TRIM37: variants seen among roughly 807,000 people sequenced by gnomAD.
The protein encoded by TRIM37 is E3 ubiquitin-protein ligase TRIM37.
TRIM37 carries 80 observed loss-of-function variants against 129.8 expected under a neutral mutation model. The observed-to-expected ratio is 0.62, with a 90% CI of 0.51 to 0.74. The LOEUF (loss-of-function observed/expected upper bound fraction) is 0.74, where lower values mean the gene tolerates loss of function less well. Ranked by LOEUF, TRIM37 falls within the 30% of genes least tolerant of loss-of-function variation. The pLI is 0.00. For missense variants in TRIM37, 1,054 were observed against 1,176.5 expected, an observed-to-expected ratio of 0.90 and a Z score of 1.52; for synonymous variants, 389 against 387.1, an observed-to-expected ratio of 1.00 and a Z score of -0.06.
chr17:59,021,117 C>T (rs894238204), intron 19 of TRIM37, among the ~76,000 whole-genome samples: 1 of 152,098 alleles, frequency 6.6e-6, no homozygotes, highest in African/African-American at 2.4e-5. Flanking sequence ...TTAGGTTGGG[C>T]GTGGTAGCTC....
At position 59,028,568 on chromosome 17, in the gene TRIM37, T is replaced by G; in HGVS notation, c.2104A>C (p.Ser702Arg). The change falls in exon 19 of 24, where the codon AGC (serine) becomes CGC (arginine). Residue 702 changes from serine (S) to arginine (R), a missense_variant. Physicochemically the swap from Ser to Arg is moderately radical, Grantham distance 110. Transcript: ENST00000262294. ...VKNTLSEIKS[S>R]SAASGDMQTS... ...TGCATGTCTCCAGAAGCAGCACTGC[T>G]GCTTTTTATTTCTGAAAGTGTATTC... 1.2e-6 allele frequency: 2 copies of G among 1,614,258 alleles called. No individual in the cohort carries two copies. The highest frequency in any genetic ancestry group is 1.7e-6 in the Non-Finnish European group (2 of 1,180,046).
At chr17:59,079,615 A>T in intron 7 of TRIM37, 139 bp downstream of exon 7, 1 of 1,059,044 alleles carries the variant, frequency 9.4e-7, no homozygotes, top group South Asian at 1.4e-5. Flanking sequence ...TCTAACATTT[A>T]TCTGTCTAAA....
chr17:59,027,821 T>C (rs1441821115), intron 19 of TRIM37, among the ~76,000 whole-genome samples: 1 of 152,234 alleles, frequency 6.6e-6, no homozygotes, highest in Admixed American at 6.5e-5. Flanking sequence ...TGACTTCGTC[T>C]CCTGCTAGTC....
At chr17:59,075,582 A>AC (rs1568178884) in intron 8 of TRIM37, 65 bp downstream of exon 8, 6 of 1,071,816 alleles carry the variant, frequency 5.6e-6, no homozygotes, top group Admixed American at 2.4e-5. Context: ...AAAAAAAAAA[A>AC]AACAACTACA....
downstream of TRIM37, chr17:58,980,896 G>A (rs1203871842): frequency 6.2e-7 from 1 of 1,614,226 alleles, no homozygotes; most frequent in South Asian, 1.1e-5. This position sits in a 1 kb window ranked among gnomAD's most constrained non-coding sequence, Gnocchi z 4.7. Context: ...CTGGAAGTGG[G>A]AAGAGAAATA....
At chr17:59,102,099 A>G (rs1285708823) in intron 2 of TRIM37, among the ~76,000 whole-genome samples, 3 of 152,186 alleles carry the variant, frequency 2.0e-5, no homozygotes, top group Non-Finnish European at 4.4e-5. Flanking sequence ...GAAGGACAAG[A>G]CATCCAAAAG....
intron 17 of TRIM37, among the ~76,000 whole-genome samples, chr17:59,035,519 C>A (rs972062486): frequency 2.0e-5 from 3 of 151,468 alleles, no homozygotes; most frequent in African/African-American, 7.3e-5. Flanking sequence ...TTTCAGAGGC[C>A]GAGGCAGGTG....
At chr17:59,077,809 CAAAAAAAAAA>C (rs36007655) in intron 7 of TRIM37, among the ~76,000 whole-genome samples, 1 of 71,346 alleles carries the variant, frequency 1.4e-5, no homozygotes, top group East Asian at 4.2e-4. Flanking sequence ...GACTCCATCT[CAAAAAAAAAA>C]AAAAAAAAAA....
At chr17:59,040,079 A>AT (rs1177626027) in intron 17 of TRIM37, among the ~76,000 whole-genome samples, 1 of 151,344 alleles carries the variant, frequency 6.6e-6, no homozygotes, top group Non-Finnish European at 1.5e-5. Context: ...ATTTTTTTGT[A>AT]TTTTTTTGTA....
chr17:58,982,774 G>A (rs1297264603), exon 25 of TRIM37: 1 of 644,120 alleles, frequency 1.6e-6, no homozygotes, highest in Non-Finnish European at 2.6e-6. Context: ...GGTTGAAAAG[G>A]AGTCAACATG....
At chr17:58,969,448 G>C in the TRIM37 span, 1 of 1,255,782 alleles carries the variant, frequency 8.0e-7, no homozygotes. Context: ...CAGTGGAGGA[G>C]AAAGGATGGG....
chr17:59,033,811 A>G (rs2145677277), intron 17 of TRIM37, among the ~76,000 whole-genome samples: 1 of 151,850 alleles, frequency 6.6e-6, no homozygotes, highest in East Asian at 2.0e-4. Flanking sequence ...TCCTAGATAC[A>G]CTGAACAAGA....
intron 24 of TRIM37, chr17:58,984,985 T>C (rs1246955806): frequency 1.3e-5 from 2 of 152,674 alleles, no homozygotes; most frequent in Non-Finnish European, 2.9e-5. Flanking sequence ...GAATTCTCTA[T>C]GGAGTGAAGC....
At chr17:59,082,766 T>C (rs1004205304) in intron 5 of TRIM37, among the ~76,000 whole-genome samples, 1 of 152,222 alleles carries the variant, frequency 6.6e-6, no homozygotes, top group Admixed American at 6.5e-5. Context: ...AGCCAAAGTA[T>C]CCCATTATTG....
At chr17:59,042,205 T>A (rs1960749214) in intron 16 of TRIM37, among the ~76,000 whole-genome samples, 1 of 150,450 alleles carries the variant, frequency 6.6e-6, no homozygotes, top group Non-Finnish European at 1.5e-5. Flanking sequence ...TGAAACCCTG[T>A]CTCTACTAAA....
chr17:59,091,293 C>A lies in TRIM37; in HGVS notation c.164+7G>T. ...AAATTCACAAATAATCGTAAGGAAACACTTACCGGCAATGAGGACATTGAG... is the reference window on the plus strand; with the variant it reads ...AAATTCACAAATAATCGTAAGGAAAAACTTACCGGCAATGAGGACATTGAG... On this transcript the variant is annotated splice_region_variant and intron_variant, in intron 3 of 23. Transcript: ENST00000262294. 6.3e-7 allele frequency: 1 copy of A among 1,584,514 alleles called. No individual in the cohort carries two copies. Among genetic ancestry groups the A allele is most frequent in the African/African-American group, 1.4e-5 (1 of 73,780 alleles).
intron 21 of TRIM37, among the ~76,000 whole-genome samples, chr17:59,013,126 A>C (rs1357292738): frequency 2.6e-5 from 4 of 152,064 alleles, no homozygotes; most frequent in Non-Finnish European, 5.9e-5. Context: ...TCTAATAGGG[A>C]AAGACTTTTG....
Position 58,999,467 on chromosome 17 carries a change from TA to T in TRIM37, c.2813-9del. On this transcript the variant is annotated splice_polypyrimidine_tract_variant and intron_variant, in intron 23 of 23. Transcript: ENST00000262294. ...GAAAACTGGAATGTGTATCTATGAT[TA>T]AAAAATAAATAAAAAATTTAAAATT... 1 of 1,599,740 alleles carries T rather than the reference TA, an allele frequency of 6.3e-7. No individual in the cohort carries two copies.
intron 12 of TRIM37, 42 bp from the exon 13 acceptor site, chr17:59,057,096 T>A (rs747269514): frequency 6.3e-7 from 1 of 1,580,918 alleles, no homozygotes; most frequent in Non-Finnish European, 8.7e-7. Flanking sequence ...GTTAGTAAAG[T>A]AAGAATAAAA....
Sources: gnomAD v4.1 joint callset for allele counts (sites outside exome capture counted in the v4.1 genomes callset) on GRCh38, gnomAD v4.1.1 for gene constraint, Gnocchi (gnomAD v3.1) non-coding constraint, MANE v1.5 for transcripts, NCBI Gene and HGNC (gene_info 2026-07-23, HGNC 2026-07-21) for gene names.